MARCHF4: variants seen among roughly 807,000 people sequenced by gnomAD.
MARCHF4 encodes the protein membrane associated ring-CH-type finger 4.
A neutral mutation model predicts 43.9 loss-of-function variants in MARCHF4; 14 were observed. That is an observed-to-expected ratio of 0.32 (90% CI 0.21 to 0.50). The LOEUF is 0.50. Among genes scored for constraint, MARCHF4 ranks in the 20% least tolerant of loss-of-function variants. The probability of loss-of-function intolerance (pLI) is 0.98; values close to 1 mark genes in which losing one functional copy is unlikely to be tolerated. For missense variants in MARCHF4, 468 were observed against 536.7 expected (o/e 0.87, Z 1.27); for synonymous variants, 226 against 213.3 (o/e 1.06, Z -0.52).
intron 1 of MARCHF4, among the ~76,000 whole-genome samples, chr2:216,311,459 T>C (rs1338926779): frequency 1.3e-5 from 2 of 152,162 alleles, no homozygotes; most frequent in African/African-American, 4.8e-5. Context: ...GGTTTCACCA[T>C]GTTGGGCAGG....
At chr2:216,356,238 G>A (rs940219227) in intron 1 of MARCHF4, among the ~76,000 whole-genome samples, 18 of 152,222 alleles carry the variant, frequency 1.2e-4, no homozygotes, top group African/African-American at 4.1e-4. Flanking sequence ...ATGCTGAAGG[G>A]CCCATATTGG....
chr2:216,335,058 T>C (rs1000063618), intron 1 of MARCHF4, among the ~76,000 whole-genome samples: 2 of 152,252 alleles, frequency 1.3e-5, no homozygotes, highest in African/African-American at 4.8e-5. Flanking sequence ...ATCAACTTGG[T>C]AGCAATTTTC....
In MARCHF4 at chr2:216,346,799, G is replaced by C. The variant is rs531278521; in HGVS notation, c.516+22946C>G. ...GGTAAGGGTAGGCCATGAGTTTAGA[G>C]AGGTAGGCAGAGGGCAGTTGATAGG... On this transcript the variant is annotated intron_variant, in intron 1 of 3. Coordinates refer to ENST00000273067, the MANE Select transcript of MARCHF4 (RefSeq NM_020814.3). 3.9e-5 allele frequency among the ~76,000 whole-genome samples: 6 copies of C among 152,304 alleles called. No individual in the cohort carries two copies. In the South Asian group the frequency reaches 8.3e-4, roughly 21 times the overall value.
intron 1 of MARCHF4, among the ~76,000 whole-genome samples, chr2:216,297,365 C>T (rs531072690): frequency 6.6e-6 from 1 of 152,144 alleles, no homozygotes; most frequent in Non-Finnish European, 1.5e-5. Context: ...TTTTCCCATT[C>T]CGATCCATAT....
At position 216,293,586 on chromosome 2, in the gene MARCHF4, AAC is replaced by A. The variant is rs1207573046; in HGVS notation, c.517-9859_517-9858del. 3.3e-3 allele frequency among the ~76,000 whole-genome samples: 417 copies of A among 126,688 alleles called. 3 individuals are homozygous for A. Among genetic ancestry groups the A allele is most frequent in the African/African-American group, 6.4e-3 (242 of 37,818 alleles). 83.1% of individuals were successfully genotyped at this position (126,688 alleles called of 152,430 possible). ...ATTTCAATGTAAAAAAAAAAAAAAAAACAATGTAAAAAGAGACAAGGAAAACA... is the reference window on the plus strand; with the variant it reads ...ATTTCAATGTAAAAAAAAAAAAAAAAAATGTAAAAAGAGACAAGGAAAACA... On this transcript the variant is annotated intron_variant, in intron 1 of 3. Transcript: ENST00000273067.
chr2:216,307,317 C>T (rs532297456), intron 1 of MARCHF4, among the ~76,000 whole-genome samples: 1 of 152,174 alleles, frequency 6.6e-6, no homozygotes, highest in African/African-American at 2.4e-5. Flanking sequence ...CAGTGGAGCA[C>T]ATCCAGACAG....
intron 3 of MARCHF4, among the ~76,000 whole-genome samples, chr2:216,261,339 C>T (rs1690740622): frequency 1.3e-5 from 2 of 152,272 alleles, no homozygotes; most frequent in South Asian, 4.2e-4. Flanking sequence ...CTCGTTCTTG[C>T]ATCACTCCAG....
At chr2:216,357,696 A>G (rs1466680888) in intron 1 of MARCHF4, among the ~76,000 whole-genome samples, 1 of 152,214 alleles carries the variant, frequency 6.6e-6, no homozygotes, top group Non-Finnish European at 1.5e-5. Context: ...CTCTAATTAG[A>G]CTATTTTTAA....
chr2:216,281,600 G>T (rs1485782396), intron 2 of MARCHF4, among the ~76,000 whole-genome samples: 3 of 152,198 alleles, frequency 2.0e-5, no homozygotes, highest in Non-Finnish European at 2.9e-5. Flanking sequence ...ACATGTTGCT[G>T]GGCCTGAGGA....
chr2:216,302,292 C>T (rs1393065703), intron 1 of MARCHF4, among the ~76,000 whole-genome samples: 2 of 151,562 alleles, frequency 1.3e-5, no homozygotes, highest in East Asian at 3.9e-4. Flanking sequence ...GATCTCGGCT[C>T]ACTGCAAGCT....
chr2:216,341,819 C>T (rs114225297), intron 1 of MARCHF4, among the ~76,000 whole-genome samples: 2 of 152,202 alleles, frequency 1.3e-5, no homozygotes. Context: ...CTAATTAGGT[C>T]TTGGGGGTCC....
At chr2:216,314,399 C>T (rs1691739022) in intron 1 of MARCHF4, among the ~76,000 whole-genome samples, 1 of 151,054 alleles carries the variant, frequency 6.6e-6, no homozygotes, top group African/African-American at 2.4e-5. Flanking sequence ...TCTCAGCTAA[C>T]TGCAACCTCT....
At chr2:216,291,017 T>C (rs1691298261) in intron 1 of MARCHF4, among the ~76,000 whole-genome samples, 1 of 152,008 alleles carries the variant, frequency 6.6e-6, no homozygotes, top group Non-Finnish European at 1.5e-5. Flanking sequence ...AGATATAAAT[T>C]TGAGAGTCAT....
At chr2:216,306,746 C>T (rs1403027279) in intron 1 of MARCHF4, among the ~76,000 whole-genome samples, 2 of 152,102 alleles carry the variant, frequency 1.3e-5, no homozygotes, top group Non-Finnish European at 2.9e-5. Flanking sequence ...GATAAGTGAA[C>T]TGAGGCTAGA....
At chr2:216,339,182 C>A (rs1265124276) in intron 1 of MARCHF4, among the ~76,000 whole-genome samples, 1 of 152,188 alleles carries the variant, frequency 6.6e-6, no homozygotes, top group Non-Finnish European at 1.5e-5. Flanking sequence ...AGTCACCAAT[C>A]CCCCCTTTCC....
intron 1 of MARCHF4, among the ~76,000 whole-genome samples, chr2:216,358,044 T>A (rs1196894261): frequency 6.6e-6 from 1 of 152,246 alleles, no homozygotes; most frequent in Non-Finnish European, 1.5e-5. Flanking sequence ...CAAGCCCTAA[T>A]GTTTAATGTA....
At position 216,274,124 on chromosome 2, in the gene MARCHF4, C is replaced by T. The variant is rs531514494; in HGVS notation, c.865+3548G>A. Among the ~76,000 whole-genome samples, 5 of 152,340 alleles carry T rather than the reference C, an allele frequency of 3.3e-5. No homozygotes were observed. In the South Asian group the frequency reaches 6.2e-4, roughly 19 times the overall value. The stretch of plus-strand genomic sequence containing the variant: ...GCACAGTGACCTGAACTGAGTATGA[C>T]TTCTGCGGGAACCCTGGAAATGATG... On this transcript the variant is annotated intron_variant, in intron 3 of 3. Coordinates refer to ENST00000273067, the MANE Select transcript of MARCHF4 (RefSeq NM_020814.3).
intron 1 of MARCHF4, among the ~76,000 whole-genome samples, chr2:216,363,898 C>T (rs1199081421): frequency 1.3e-5 from 2 of 152,042 alleles, no homozygotes; most frequent in Non-Finnish European, 2.9e-5. Context: ...TGAGATGACC[C>T]CTTGAATTGG....
chr2:216,297,901 C>A (rs1691422716), intron 1 of MARCHF4, among the ~76,000 whole-genome samples: 1 of 152,256 alleles, frequency 6.6e-6, no homozygotes, highest in African/African-American at 2.4e-5. Flanking sequence ...GAGACAGTCA[C>A]AAACGAGGAC....
Sources: allele counts gnomAD v4.1 joint callset (sites outside exome capture counted in the v4.1 genomes callset), GRCh38; gene constraint gnomAD v4.1.1; transcripts MANE v1.5; gene names NCBI Gene and HGNC (gene_info 2026-07-23, HGNC 2026-07-21).